Variants in ZNF385D observed in about 807,000 individuals in gnomAD.
The protein encoded by ZNF385D is zinc finger protein 659.
Under a neutral mutation model 35.8 loss-of-function variants are expected in ZNF385D, and 15 were observed. The observed-to-expected ratio is 0.42, with a 90% confidence interval of 0.28 to 0.64. ZNF385D has a LOEUF of 0.64. Ranked by LOEUF, ZNF385D falls within the 30% of genes least tolerant of loss-of-function variation. The pLI, the probability that ZNF385D is intolerant of heterozygous loss-of-function variation, is 0.23. For synonymous variants in ZNF385D, 212 were observed against 186.8 expected (o/e 1.13, Z -1.10); for missense variants, 474 against 494.6 (o/e 0.96, Z 0.39).
intron 2 of ZNF385D, among the ~76,000 whole-genome samples, chr3:22,175,995 C>G (rs980570176): frequency 1.3e-5 from 2 of 150,908 alleles, no homozygotes; most frequent in Admixed American, 6.6e-5. Context: ...CTATATTTCA[C>G]TATTAAAATT....
At chr3:21,765,706 C>T (rs1475951695) in intron 3 of ZNF385D, among the ~76,000 whole-genome samples, 1 of 147,220 alleles carries the variant, frequency 6.8e-6, no homozygotes, top group African/African-American at 2.5e-5. Flanking sequence ...CATGCACACG[C>T]ACACACATAC....
intron 3 of ZNF385D, among the ~76,000 whole-genome samples, chr3:21,874,647 A>G (rs1403844419): frequency 1.3e-5 from 2 of 152,078 alleles, no homozygotes; most frequent in African/African-American, 4.8e-5. Context: ...TAGCTTTGTA[A>G]TATGTTTCAA....
chr3:22,056,670 C>T (rs1576235353), intron 3 of ZNF385D, among the ~76,000 whole-genome samples: 1 of 152,338 alleles, frequency 6.6e-6, no homozygotes, highest in South Asian at 2.1e-4. Context: ...GTTCAGTGTA[C>T]ATCAGCTATT....
chr3:22,105,647 G>A (rs1702171396), intron 3 of ZNF385D, among the ~76,000 whole-genome samples: 2 of 152,144 alleles, frequency 1.3e-5, no homozygotes, highest in East Asian at 1.9e-4. Flanking sequence ...GGCAAGAGAT[G>A]ACAGATGTCC....
At chr3:22,227,148 G>A (rs554399906) in intron 2 of ZNF385D, among the ~76,000 whole-genome samples, 2 of 151,012 alleles carry the variant, frequency 1.3e-5, no homozygotes, top group South Asian at 4.3e-4. Flanking sequence ...ATAATATTTT[G>A]ATCATATATA....
intron 2 of ZNF385D, among the ~76,000 whole-genome samples, chr3:21,581,678 A>G (rs575285912): frequency 6.6e-6 from 1 of 152,340 alleles, no homozygotes; most frequent in East Asian, 1.9e-4. Flanking sequence ...TTGCATTGTT[A>G]TCTGAAGGTG....
intron 2 of ZNF385D, among the ~76,000 whole-genome samples, chr3:22,363,622 CTGATTA>C (rs1696517656): frequency 1.3e-5 from 2 of 151,952 alleles, no homozygotes; most frequent in South Asian, 2.1e-4. Context: ...AAATAGTATT[CTGATTA>C]TATCTGCTTC....
At chr3:21,933,376 T>G (rs1269267786) in intron 3 of ZNF385D, among the ~76,000 whole-genome samples, 1 of 152,194 alleles carries the variant, frequency 6.6e-6, no homozygotes, top group African/African-American at 2.4e-5. Context: ...TAGTCTGTGG[T>G]ACATTTGAAA....
At chr3:21,477,251 TAAACAAAAC>T (rs886861739) in intron 4 of ZNF385D, among the ~76,000 whole-genome samples, 37 of 151,950 alleles carry the variant, frequency 2.4e-4, no homozygotes, top group African/African-American at 5.3e-4. Context: ...AAAACAAAAC[TAAACAAAAC>T]AAACAAAACA....
intron 2 of ZNF385D, among the ~76,000 whole-genome samples, chr3:22,303,072 A>T (rs1702994483): frequency 6.6e-6 from 1 of 152,258 alleles, no homozygotes. Flanking sequence ...TAATTGGTGC[A>T]TACTAATTAT....
chr3:22,134,303 C>G (rs1372145227), intron 3 of ZNF385D: 1 of 151,956 alleles, frequency 6.6e-6, no homozygotes, highest in Non-Finnish European at 1.5e-5. Context: ...AAAAAAATTA[C>G]AAAGGCTCAA....
At chr3:21,874,181 A>G (rs557458789) in intron 3 of ZNF385D, among the ~76,000 whole-genome samples, 287 of 152,066 alleles carry the variant, frequency 1.9e-3, no homozygotes, top group Non-Finnish European at 3.5e-3. Context: ...CTTTTTTTAA[A>G]TAATGGCCAT....
chr3:21,960,211 C>CACACACACACACACACAT (rs1204129301), intron 3 of ZNF385D, among the ~76,000 whole-genome samples: 2 of 151,850 alleles, frequency 1.3e-5, no homozygotes, highest in Non-Finnish European at 2.9e-5. Flanking sequence ...AATACACACA[C>CACACACACACACACACAT]ACACCCTCCC....
chr3:22,100,951 G>C (rs1701908117), intron 3 of ZNF385D, among the ~76,000 whole-genome samples: 1 of 151,968 alleles, frequency 6.6e-6, no homozygotes, highest in Non-Finnish European at 1.5e-5. Context: ...TGTGAAGTCA[G>C]GCAACATTTT....
chr3:21,634,180 G>A (rs2065358874), intron 2 of ZNF385D, among the ~76,000 whole-genome samples: 1 of 151,742 alleles, frequency 6.6e-6, no homozygotes, highest in East Asian at 1.9e-4. Flanking sequence ...CTGGGTGACA[G>A]AGTGAGAACC....
At chr3:21,786,925 G>T (rs930301610) in intron 3 of ZNF385D, among the ~76,000 whole-genome samples, 6 of 152,094 alleles carry the variant, frequency 3.9e-5, no homozygotes, top group Non-Finnish European at 7.4e-5. Flanking sequence ...CAAAGAAAAA[G>T]ATGAAAATTT....
chr3:21,904,221 T>A (rs1699556863), intron 3 of ZNF385D, among the ~76,000 whole-genome samples: 1 of 149,406 alleles, frequency 6.7e-6, no homozygotes, highest in African/African-American at 2.5e-5. Flanking sequence ...GGAGAATGGC[T>A]TGAACCCAGG....
At position 21,982,852 on chromosome 3, in the gene ZNF385D, G is replaced by GT. The variant is rs534214132; in HGVS notation, c.325+185964dup. On this transcript the variant is annotated intron_variant, in intron 3 of 5. Transcript: ENST00000494108. ...TGCATCTATTGAGATAATCATGTGGGTTTTTTTTGTCTTTAGTTCTGTTTT... is the reference window on the plus strand; with the variant it reads ...TGCATCTATTGAGATAATCATGTGGGTTTTTTTTTGTCTTTAGTTCTGTTTT... Among the ~76,000 whole-genome samples the GT allele has an allele frequency of 4.4e-3, 653 of 146,884 alleles. 8 individuals carry two copies. Among genetic ancestry groups the GT allele is most frequent in the African/African-American group, 0.014 (588 of 40,966 alleles).
chr3:21,758,553 G>A (rs1441251306), intron 3 of ZNF385D, among the ~76,000 whole-genome samples: 1 of 152,064 alleles, frequency 6.6e-6, no homozygotes, highest in Non-Finnish European at 1.5e-5. Flanking sequence ...ACCTAATATG[G>A]GAGCCAAAAA....
Sources: allele counts gnomAD v4.1 joint callset (sites outside exome capture counted in the v4.1 genomes callset), GRCh38; gene constraint gnomAD v4.1.1; transcripts MANE v1.5; gene names NCBI Gene and HGNC (gene_info 2026-07-23, HGNC 2026-07-21).